ERBB4: variants seen among roughly 807,000 people sequenced by gnomAD.
ERBB4 encodes the protein receptor tyrosine-protein kinase erbB-4.
Under a neutral mutation model 158.0 loss-of-function variants are expected in ERBB4, and 42 were observed. The observed-to-expected ratio is 0.27, with a 90% CI of 0.21 to 0.34. The LOEUF is 0.34. Ranked by LOEUF, ERBB4 falls within the 10% of genes least tolerant of loss-of-function variation. The pLI is 1.00. For synonymous variants in ERBB4, 583 were observed against 558.7 expected, an observed-to-expected ratio of 1.04 and a Z score of -0.61; for missense variants, 1,333 against 1,624.1, an observed-to-expected ratio of 0.82 and a Z score of 3.08.
At chr2:211,799,695 G>A (rs1011920464) in intron 3 of ERBB4, among the ~76,000 whole-genome samples, 2 of 152,070 alleles carry the variant, frequency 1.3e-5, no homozygotes, top group African/African-American at 4.8e-5. Context: ...CGTTCATGAG[G>A]CAACTGAAAG....
intron 4 of ERBB4, among the ~76,000 whole-genome samples, chr2:211,770,427 G>A (rs980477968): frequency 6.6e-6 from 1 of 151,994 alleles, no homozygotes; most frequent in Non-Finnish European, 1.5e-5. Context: ...TTACTACTTC[G>A]AAGAAAAGTT....
At chr2:211,669,216 CAAAAAAAA>C (rs71054124) in intron 14 of ERBB4, among the ~76,000 whole-genome samples, 2 of 56,110 alleles carry the variant, frequency 3.6e-5, no homozygotes, top group Admixed American at 2.2e-4. Context: ...GAGTGAGTCT[CAAAAAAAA>C]AAAAAAAAAA....
intron 3 of ERBB4, among the ~76,000 whole-genome samples, chr2:211,924,860 G>A (rs114437491): frequency 3.9e-5 from 6 of 152,124 alleles, no homozygotes; most frequent in African/African-American, 7.2e-5. Flanking sequence ...GATTAAAGAC[G>A]TACGTTTATC....
intron 1 of ERBB4, among the ~76,000 whole-genome samples, chr2:212,228,602 C>A (rs2083556032): frequency 6.6e-6 from 1 of 152,102 alleles, no homozygotes; most frequent in African/African-American, 2.4e-5. Flanking sequence ...GCAGTAAAGA[C>A]TATTTTCATC....
intron 1 of ERBB4, among the ~76,000 whole-genome samples, chr2:212,359,666 G>T (rs2089609292): frequency 6.6e-6 from 1 of 151,632 alleles, no homozygotes; most frequent in Admixed American, 6.6e-5. Flanking sequence ...AACCTCAGGG[G>T]CACACCAGTT....
intron 1 of ERBB4, among the ~76,000 whole-genome samples, chr2:212,311,471 C>T (rs565682530): frequency 1.3e-5 from 2 of 150,848 alleles, no homozygotes; most frequent in South Asian, 4.2e-4. Flanking sequence ...AAAGAACAGG[C>T]TGTTGACTGC....
intron 3 of ERBB4, among the ~76,000 whole-genome samples, chr2:211,852,915 A>G (rs754613507): frequency 2.6e-5 from 4 of 151,992 alleles, no homozygotes; most frequent in Non-Finnish European, 5.9e-5. Context: ...CTATTAGAAA[A>G]TAAATAATAG....
chr2:211,984,763 G>GTT (rs1269431063), intron 2 of ERBB4, among the ~76,000 whole-genome samples: 1 of 151,864 alleles, frequency 6.6e-6, no homozygotes, highest in Non-Finnish European at 1.5e-5. Flanking sequence ...TTTAGATGGA[G>GTT]TTTTGCTGGA....
At position 211,750,721 on chromosome 2, in the gene ERBB4, G is replaced by C. The variant is rs758139982; in HGVS notation, c.557-17C>G. 1 of 1,610,728 alleles carries C rather than the reference G, an allele frequency of 6.2e-7. No homozygotes were observed. ...AACGTCCACCTGCAGAACACGAAAAGGGAAAAAGGACATGCACGTTATAAT... is the reference window on the plus strand; with the variant it reads ...AACGTCCACCTGCAGAACACGAAAACGGAAAAAGGACATGCACGTTATAAT... On this transcript the variant is annotated splice_polypyrimidine_tract_variant and intron_variant, in intron 4 of 27. Transcript: ENST00000342788.
intron 2 of ERBB4, among the ~76,000 whole-genome samples, chr2:212,095,956 A>G (rs932504963): frequency 6.6e-6 from 1 of 151,090 alleles, no homozygotes; most frequent in Non-Finnish European, 1.5e-5. Flanking sequence ...GAAAAAAAAA[A>G]AAAGAAAGAA....
At chr2:211,538,799 A>G (rs2066722092) in intron 20 of ERBB4, among the ~76,000 whole-genome samples, 1 of 151,894 alleles carries the variant, frequency 6.6e-6, no homozygotes, top group Non-Finnish European at 1.5e-5. Flanking sequence ...GGAATCTGTG[A>G]TTCCCCATGT....
At chr2:212,477,694 CT>C (rs1182778011) in intron 1 of ERBB4, among the ~76,000 whole-genome samples, 1 of 152,058 alleles carries the variant, frequency 6.6e-6, no homozygotes, top group African/African-American at 2.4e-5. Flanking sequence ...AATGCTGTGT[CT>C]TTTTTTGTTC....
chr2:212,155,691 T>C (rs1375473398), intron 1 of ERBB4, among the ~76,000 whole-genome samples: 2 of 152,108 alleles, frequency 1.3e-5, no homozygotes, highest in Non-Finnish European at 2.9e-5. Context: ...GAACTCTGAT[T>C]GAAATTTATC....
At chr2:211,406,339 G>A (rs1450048936) in intron 25 of ERBB4, among the ~76,000 whole-genome samples, 1 of 152,104 alleles carries the variant, frequency 6.6e-6, no homozygotes, top group African/African-American at 2.4e-5. Flanking sequence ...ATCAATTATT[G>A]AATGAATAAA....
chr2:211,593,832 A>T (rs1251100704), intron 19 of ERBB4, among the ~76,000 whole-genome samples: 1 of 152,180 alleles, frequency 6.6e-6, no homozygotes, highest in Non-Finnish European at 1.5e-5. Flanking sequence ...AGATTTCTTC[A>T]GCTGCAAAGA....
Position 211,939,966 on chromosome 2 carries a change from A to AAAAAAATATATAT in ERBB4, c.421+7463_421+7464insATATATATTTTTT, listed in dbSNP as rs1491239788. On this transcript the variant is annotated intron_variant, in intron 3 of 27. Coordinates refer to ENST00000342788, the MANE Select transcript of ERBB4 (RefSeq NM_005235.3). ...CGTCTCAAAAAAAAAGGAAAAAAAA[A>AAAAAAATATATAT]ATATATATATATATGTATATAGATA... Among the ~76,000 whole-genome samples, 7 of 137,438 alleles carry AAAAAAATATATAT rather than the reference A, an allele frequency of 5.1e-5. No individual in the cohort carries two copies. The South Asian group carries it at 1.6e-3, about 31-fold the overall frequency. 90.2% of individuals were successfully genotyped at this position (137,438 alleles called of 152,430 possible). A position where few individuals can be genotyped will look rare whatever the true frequency, so the allele number is the denominator to read the frequency against.
At chr2:212,082,063 T>G (rs1052638130) in intron 2 of ERBB4, among the ~76,000 whole-genome samples, 6 of 152,132 alleles carry the variant, frequency 3.9e-5, no homozygotes, top group African/African-American at 1.4e-4. Context: ...CAGGTGATCT[T>G]TCATATTTAT....
At chr2:211,911,492 C>T (rs551605334) in intron 3 of ERBB4, among the ~76,000 whole-genome samples, 2 of 152,138 alleles carry the variant, frequency 1.3e-5, no homozygotes, top group Admixed American at 1.3e-4. Context: ...TCTCCAGCTC[C>T]TGGGTTCAAG....
At chr2:212,331,058 G>GTATATATATATATATATATATACACATA in intron 1 of ERBB4, among the ~76,000 whole-genome samples, 2 of 56,268 alleles carry the variant, frequency 3.6e-5, no homozygotes, top group Non-Finnish European at 4.8e-5. Context: ...TTTGTAATTT[G>GTATATATATATATATATATATACACATA]TATATATATA....
Sources: gnomAD v4.1 joint callset for allele counts (sites outside exome capture counted in the v4.1 genomes callset) on GRCh38, gnomAD v4.1.1 for gene constraint, MANE v1.5 for transcripts, NCBI Gene and HGNC (gene_info 2026-07-23, HGNC 2026-07-21) for gene names.